Variants in CMC1 observed in about 807,000 individuals in gnomAD.
CMC1 encodes the protein C-X9-C motif containing 1, also known as COX assembly mitochondrial protein homolog.
Under a neutral mutation model 14.1 loss-of-function variants are expected in CMC1, and 14 were observed. The ratio of observed to expected loss-of-function variants is 0.99; its 90% confidence interval spans 0.66 to 1.55. The LOEUF (loss-of-function observed/expected upper bound fraction) is 1.55, where lower values mean the gene tolerates loss of function less well. CMC1 is among the 40% of genes most tolerant of loss of function. The pLI is 0.00. For missense variants in CMC1, 127 were observed against 123.8 expected (o/e 1.03, Z -0.12); for synonymous variants, 50 against 38.4 (o/e 1.30, Z -1.12).
intron 2 of CMC1, among the ~76,000 whole-genome samples, chr3:28,304,966 A>G (rs553065502): frequency 6.6e-6 from 1 of 152,226 alleles, no homozygotes; most frequent in South Asian, 2.1e-4. Flanking sequence ...TGAGGGGTAC[A>G]TGTGCAGGTT....
chr3:28,279,512 GC>G (rs1402218868), intron 2 of CMC1, among the ~76,000 whole-genome samples: 1 of 152,120 alleles, frequency 6.6e-6, no homozygotes, highest in Admixed American at 6.6e-5. Flanking sequence ...CTCATATGTT[GC>G]TATTAGCAGA....
chr3:28,277,958 A>G (rs1296296752), intron 2 of CMC1, among the ~76,000 whole-genome samples: 1 of 115,748 alleles, frequency 8.6e-6, no homozygotes, highest in Non-Finnish European at 1.8e-5. Flanking sequence ...GAAAAGAGAC[A>G]GGGTCTGATT....
At chr3:28,302,697 A>C (rs995919054) in intron 2 of CMC1, among the ~76,000 whole-genome samples, 5 of 152,188 alleles carry the variant, frequency 3.3e-5, no homozygotes, top group African/African-American at 4.8e-5. Flanking sequence ...CGGAGAGTTG[A>C]GGTATCTGAT....
At chr3:28,259,411 A>G (rs1193968066) in intron 1 of CMC1, among the ~76,000 whole-genome samples, 1 of 152,148 alleles carries the variant, frequency 6.6e-6, no homozygotes, top group Non-Finnish European at 1.5e-5. Context: ...GGGGTACATT[A>G]GGAAAAAATG....
chr3:28,256,201 G>GTATA lies in CMC1; in HGVS notation c.20-7076_20-7073dup, dbSNP rs370738862. ...CACACATATGCATATATGTGTGTGTGTATATATATATATATATGTATACGT... is the reference window on the plus strand; with the variant it reads ...CACACATATGCATATATGTGTGTGTGTATATATATATATATATATATGTATACGT... On this transcript the variant is annotated intron_variant, in intron 1 of 3. Coordinates refer to ENST00000466830, the MANE Select transcript of CMC1 (RefSeq NM_182523.2). 2.5e-3 allele frequency among the ~76,000 whole-genome samples: 366 copies of GTATA among 147,854 alleles called. 7 individuals carry two copies. In the East Asian group the frequency reaches 0.042, roughly 17 times the overall value.
chr3:28,324,391 T>C lies in CMC1; in HGVS notation c.*4762T>C. ...ATGTCTTGTGTATGTTGCAGTAAAA[T>C]TCATCAAGTGCAGTTTTGTGCTGTC... On this transcript the variant is annotated 3_prime_UTR_variant, in exon 4 of 4. Transcript: ENST00000466830. 1 of 1,558,402 alleles carries C rather than the reference T, an allele frequency of 6.4e-7. No individual in the cohort carries two copies. The highest frequency in any genetic ancestry group is 8.7e-7 in the Non-Finnish European group (1 of 1,151,860).
intron 2 of CMC1, among the ~76,000 whole-genome samples, chr3:28,314,001 T>TA (rs1299978381): frequency 6.6e-6 from 1 of 152,134 alleles, no homozygotes; most frequent in Non-Finnish European, 1.5e-5. Context: ...CTGGTATAGG[T>TA]ATAGTAAGGT....
rs558493445 is a variant in CMC1, at chr3:28,285,702, A to G, written c.109+22322A>G. On this transcript the variant is annotated intron_variant, in intron 2 of 3. Transcript: ENST00000466830. Reference sequence around the variant, plus strand: ...AATAAAAAGTGAAAAAAAAAAACCCATGACTTTTGGACCAAGTTATCAGTT... The same window carrying G: ...AATAAAAAGTGAAAAAAAAAAACCCGTGACTTTTGGACCAAGTTATCAGTT... Among the ~76,000 whole-genome samples, 56 of 151,114 alleles carry G rather than the reference A, an allele frequency of 3.7e-4. 1 individual carries two copies. Among genetic ancestry groups the G allele is most frequent in the Admixed American group, 3.1e-3 (47 of 15,178 alleles).
In CMC1 at chr3:28,324,656, T is replaced by A. The variant is rs191458065; in HGVS notation, c.*5027T>A. Reference sequence around the variant, plus strand: ...CTGGATCAGCAATTTACTGTGACTTTAGATATTTGTCTCTTAGCTGCTCCT... The same window carrying A: ...CTGGATCAGCAATTTACTGTGACTTAAGATATTTGTCTCTTAGCTGCTCCT... On this transcript the variant is annotated 3_prime_UTR_variant, in exon 4 of 4. Coordinates refer to ENST00000466830, the MANE Select transcript of CMC1 (RefSeq NM_182523.2). The A allele has an allele frequency of 1.3e-4, 54 of 422,460 alleles. No homozygotes were observed. The highest frequency in any genetic ancestry group is 1.0e-3 in the African/African-American group (51 of 49,166). 26.2% of individuals were successfully genotyped at this position (422,460 alleles called of 1,614,324 possible). A position where few individuals can be genotyped will look rare whatever the true frequency, so the allele number is the denominator to read the frequency against.
chr3:28,260,991 T>G (rs1225646218), intron 1 of CMC1, among the ~76,000 whole-genome samples: 1 of 152,188 alleles, frequency 6.6e-6, no homozygotes. Flanking sequence ...TATTGAGATT[T>G]GTTTTATAGC....
intron 1 of CMC1, among the ~76,000 whole-genome samples, chr3:28,255,997 C>T (rs1471827089): frequency 6.6e-6 from 1 of 151,942 alleles, no homozygotes; most frequent in African/African-American, 2.4e-5. Flanking sequence ...GTAAAAAGCC[C>T]TTACAAAATT....
At chr3:28,309,821 CCACACACACACA>C (rs57499697) in intron 2 of CMC1, among the ~76,000 whole-genome samples, 20 of 131,786 alleles carry the variant, frequency 1.5e-4, no homozygotes, top group Admixed American at 1.6e-4. Flanking sequence ...CTGATATTTA[CCACACACACACA>C]CACACACACA....
At position 28,248,976 on chromosome 3, in the gene CMC1, G is replaced by A. The variant is rs549897924; in HGVS notation, c.19+7164G>A. 2.9e-4 allele frequency among the ~76,000 whole-genome samples: 44 copies of A among 152,266 alleles called. 1 individual carries two copies. The South Asian group carries it at 9.1e-3, about 32-fold the overall frequency. On this transcript the variant is annotated intron_variant, in intron 1 of 3. Coordinates refer to ENST00000466830, the MANE Select transcript of CMC1 (RefSeq NM_182523.2). ...GGCTAATTTTTTTGTATTTTTAGTA[G>A]AGATGGGGTTTCACTGTGTTAGCCA...
intron 2 of CMC1, among the ~76,000 whole-genome samples, chr3:28,288,871 T>C (rs112278159): frequency 1.2e-3 from 186 of 151,758 alleles, no homozygotes; most frequent in African/African-American, 4.3e-3. Flanking sequence ...TGTAAGAATA[T>C]TTTTGCAAGT....
chr3:28,255,702 T>C (rs77717065), intron 1 of CMC1, among the ~76,000 whole-genome samples: 2 of 145,620 alleles, frequency 1.4e-5, no homozygotes, highest in Non-Finnish European at 3.0e-5. Context: ...TTAAAAAAAA[T>C]GTATATATAT....
intron 1 of CMC1, among the ~76,000 whole-genome samples, chr3:28,261,105 C>T (rs1481585070): frequency 6.6e-6 from 1 of 151,768 alleles, no homozygotes; most frequent in Non-Finnish European, 1.5e-5. Context: ...AAGTACTTCA[C>T]AGTTTTAACG....
rs760282695 is a variant in CMC1 at position 28,321,189 on chromosome 3, A to C, written c.*1560A>C. ...AAGCAAATATAGAAATCTAGAGACC[A>C]CACAGCATAGGGGCAAACATGCCCA... is the stretch of plus-strand genomic sequence containing the variant. On this transcript the variant is annotated 3_prime_UTR_variant, in exon 4 of 4. Coordinates refer to ENST00000466830, the MANE Select transcript of CMC1 (RefSeq NM_182523.2). 1.6e-4 allele frequency: 24 copies of C among 151,462 alleles called. No homozygotes were observed. The highest frequency in any genetic ancestry group is 2.2e-4 in the Non-Finnish European group (15 of 67,590). 9.4% of individuals were successfully genotyped at this position (151,462 alleles called of 1,614,324 possible).
At chr3:28,270,570 A>T (rs747152243) in intron 2 of CMC1, among the ~76,000 whole-genome samples, 2 of 152,084 alleles carry the variant, frequency 1.3e-5, no homozygotes, top group Admixed American at 6.5e-5. Context: ...GTGTCTGTTC[A>T]TGCCCTTTGC....
At chr3:28,254,819 A>AT (rs1699308918) in intron 1 of CMC1, among the ~76,000 whole-genome samples, 1 of 152,236 alleles carries the variant, frequency 6.6e-6, no homozygotes, top group Admixed American at 6.5e-5. Flanking sequence ...AAATTTTGTA[A>AT]TTTTGTATAA....
Sources: allele counts gnomAD v4.1 joint callset (sites outside exome capture counted in the v4.1 genomes callset), GRCh38; gene constraint gnomAD v4.1.1; transcripts MANE v1.5; gene names NCBI Gene and HGNC (gene_info 2026-07-23, HGNC 2026-07-21).